The following LDLRAD3 variants were observed in gnomAD, a reference collection of about 807,000 sequenced individuals.
LDLRAD3 encodes low-density lipoprotein receptor class A domain-containing protein 3.
LDLRAD3 carries 20 observed loss-of-function variants against 29.4 expected under a neutral mutation model. That is an observed-to-expected ratio of 0.68 (90% CI 0.48 to 0.99). LDLRAD3 has a LOEUF of 0.99. Among genes scored for constraint, LDLRAD3 ranks in the 50% least tolerant of loss-of-function variants. The probability of loss-of-function intolerance (pLI) is 0.00; values close to 1 mark genes in which losing one functional copy is unlikely to be tolerated. For synonymous variants in LDLRAD3, 157 were observed against 192.7 expected (o/e 0.81, Z 1.53); for missense variants, 420 against 454.3 (o/e 0.92, Z 0.69).
intron 4 of LDLRAD3, among the ~76,000 whole-genome samples, chr11:36,160,817 A>G (rs7936853): frequency 1 from 151,623 of 152,220 alleles, 75,514 homozygotes; most frequent in Middle Eastern, 1. Context: ...GGGGAGGGAC[A>G]GAGTTTCGCT....
chr11:36,061,634 C>G (rs1434791442), intron 2 of LDLRAD3, among the ~76,000 whole-genome samples: 3 of 152,164 alleles, frequency 2.0e-5, no homozygotes, highest in African/African-American at 7.2e-5. Flanking sequence ...TTGGGCGGCT[C>G]TTTTCACTAT....
intron 1 of LDLRAD3, among the ~76,000 whole-genome samples, chr11:36,021,352 G>C (rs115852809): frequency 8.1e-4 from 123 of 152,268 alleles, no homozygotes; most frequent in African/African-American, 2.9e-3. Flanking sequence ...AGGAGCTTCC[G>C]AGATGACTGA....
At chr11:36,140,553 T>A (rs1219088838) in intron 4 of LDLRAD3, among the ~76,000 whole-genome samples, 1 of 152,090 alleles carries the variant, frequency 6.6e-6, no homozygotes, top group Non-Finnish European at 1.5e-5. Flanking sequence ...CTCAGTCTCC[T>A]GAGTAGCTGG....
chr11:36,050,111 G>A (rs1329915444), intron 2 of LDLRAD3, among the ~76,000 whole-genome samples: 2 of 152,192 alleles, frequency 1.3e-5, no homozygotes, highest in Non-Finnish European at 2.9e-5. Context: ...GAATCACATA[G>A]AGAGCTAAGA....
At chr11:36,214,506 A>G (rs1332974686) in intron 4 of LDLRAD3, among the ~76,000 whole-genome samples, 5 of 152,214 alleles carry the variant, frequency 3.3e-5, no homozygotes, top group Non-Finnish European at 5.9e-5. Flanking sequence ...TTGTACAGTG[A>G]ACATGTGTTT....
chr11:36,069,250 C>G (rs1195766189), intron 2 of LDLRAD3, among the ~76,000 whole-genome samples: 1 of 152,164 alleles, frequency 6.6e-6, no homozygotes, highest in Non-Finnish European at 1.5e-5. Context: ...AGGAGCTCCC[C>G]CGTTTAGCCC....
intron 4 of LDLRAD3, among the ~76,000 whole-genome samples, chr11:36,187,766 T>G (rs1184016020): frequency 6.6e-6 from 1 of 152,242 alleles, no homozygotes; most frequent in East Asian, 1.9e-4. Flanking sequence ...GTCATATGTC[T>G]GTGTGACTAC....
intron 4 of LDLRAD3, among the ~76,000 whole-genome samples, chr11:36,153,307 C>G (rs1854302225): frequency 6.6e-6 from 1 of 152,120 alleles, no homozygotes; most frequent in Non-Finnish European, 1.5e-5. Flanking sequence ...TAAATGCCAC[C>G]TAACATTGCT....
At chr11:36,006,381 G>A (rs537583707) in intron 1 of LDLRAD3, among the ~76,000 whole-genome samples, 81 of 152,330 alleles carry the variant, frequency 5.3e-4, no homozygotes, top group Middle Eastern at 3.4e-3. Flanking sequence ...TCAAGGGGAT[G>A]AGATGCCTCC....
intron 1 of LDLRAD3, among the ~76,000 whole-genome samples, chr11:35,950,798 CG>C (rs1329217348): frequency 6.6e-6 from 1 of 152,040 alleles, no homozygotes; most frequent in African/African-American, 2.4e-5. Flanking sequence ...AAATAATACA[CG>C]GGGGCCAGGA....
In LDLRAD3 at chr11:36,231,942, G is replaced by A. The variant is rs1219038205; in HGVS notation, c.*2545G>A. The A allele has an allele frequency of 6.6e-6, 1 of 152,108 alleles. No homozygotes were observed. Among genetic ancestry groups the A allele is most frequent in the African/African-American group, 2.4e-5 (1 of 41,422 alleles). The allele number at this position is 152,108 out of a possible 1,614,324, so 9.4% of individuals were successfully genotyped here. A position where few individuals can be genotyped will look rare whatever the true frequency, so the allele number is the denominator to read the frequency against. ...TAAATTAGTTACACTGTGATGACTG[G>A]CCTATTACCTGACTCAGCTCCCTCT... On this transcript the variant is annotated 3_prime_UTR_variant, in exon 6 of 6. Transcript: ENST00000315571.
intron 1 of LDLRAD3, chr11:35,997,299 CA>C: frequency 4.9e-6 from 2 of 412,184 alleles, no homozygotes; most frequent in South Asian, 4.1e-5. Context: ...TTAGTGGTTT[CA>C]GAGAGTTCTC....
At position 35,944,127 on chromosome 11, in the gene LDLRAD3, T is replaced by C; in HGVS notation, c.29T>C (p.Leu10Pro). 1 of 1,056,376 alleles carries C rather than the reference T, an allele frequency of 9.5e-7. No individual in the cohort carries two copies. The highest frequency in any genetic ancestry group is 1.1e-6 in the Non-Finnish European group (1 of 877,090). 65.4% of individuals were successfully genotyped at this position (1,056,376 alleles called of 1,614,324 possible). Residue 10 changes from leucine to proline, a missense_variant, in exon 1 of 6, where the codon CTG becomes CCG. Transcript: ENST00000315571. This position sits in a 1 kb window ranked among gnomAD's most constrained non-coding sequence, Gnocchi z 4.9. ...TGGCTGCTGGGGCCGCTGTGCCTGC[T>C]GCTGAGCAGCGCCGCGGGTGAGTCG... MWLLGPLCL[L>P]LSSAAESQLL...
intron 1 of LDLRAD3, among the ~76,000 whole-genome samples, chr11:35,971,334 C>A (rs894160174): frequency 4.6e-5 from 7 of 152,146 alleles, no homozygotes; most frequent in African/African-American, 1.7e-4. Flanking sequence ...TGATTTGCAT[C>A]CCCAAAACTC....
At chr11:36,204,630 G>T (rs908116372) in intron 4 of LDLRAD3, among the ~76,000 whole-genome samples, 1 of 151,910 alleles carries the variant, frequency 6.6e-6, no homozygotes, top group African/African-American at 2.4e-5. Flanking sequence ...TGAGATTACA[G>T]GCACCCACCA....
chr11:36,200,342 G>A (rs1004601200), intron 4 of LDLRAD3, among the ~76,000 whole-genome samples: 1 of 152,088 alleles, frequency 6.6e-6, no homozygotes, highest in Non-Finnish European at 1.5e-5. Context: ...ACGCACTCCG[G>A]TGTTCCCTCT....
intron 1 of LDLRAD3, among the ~76,000 whole-genome samples, chr11:35,987,252 G>T (rs1241629037): frequency 6.6e-6 from 1 of 152,134 alleles, no homozygotes; most frequent in Non-Finnish European, 1.5e-5. Flanking sequence ...TCTTTTTAAA[G>T]AATAATTTCA....
At chr11:36,032,190 T>G (rs1474478596) in intron 1 of LDLRAD3, among the ~76,000 whole-genome samples, 1 of 152,224 alleles carries the variant, frequency 6.6e-6, no homozygotes, top group Non-Finnish European at 1.5e-5. Context: ...TTCTAGGGTT[T>G]AGGACTTCAA....
intron 4 of LDLRAD3, among the ~76,000 whole-genome samples, chr11:36,161,059 T>G (rs1325078161): frequency 6.6e-6 from 1 of 152,108 alleles, no homozygotes; most frequent in Non-Finnish European, 1.5e-5. Context: ...CCTCCCAAAG[T>G]GCTGGGATTA....
Sources: allele counts gnomAD v4.1 joint callset (sites outside exome capture counted in the v4.1 genomes callset), GRCh38; gene constraint gnomAD v4.1.1; non-coding constraint Gnocchi (gnomAD v3.1); transcripts MANE v1.5; gene names NCBI Gene and HGNC (gene_info 2026-07-23, HGNC 2026-07-21).